Variants in ANTXR1 observed in about 807,000 individuals in gnomAD.
ANTXR1 encodes ANTXR cell adhesion molecule 1, also known as anthrax toxin receptor 1.
Under a neutral mutation model 78.1 loss-of-function variants are expected in ANTXR1, and 19 were observed. The observed-to-expected ratio is 0.24, with a 90% CI of 0.17 to 0.36. The LOEUF is 0.36. ANTXR1 is among the 10% of genes least tolerant of loss of function. The probability of loss-of-function intolerance (pLI) is 1.00; values close to 1 mark genes in which losing one functional copy is unlikely to be tolerated. For synonymous variants in ANTXR1, 273 were observed against 260.5 expected, an observed-to-expected ratio of 1.05 and a Z score of -0.46; for missense variants, 518 against 718.6, an observed-to-expected ratio of 0.72 and a Z score of 3.19.
At position 69,013,433 on chromosome 2, in the gene ANTXR1, C is replaced by G; in HGVS notation, c.-67C>G. 6.4e-7 allele frequency: 1 copy of G among 1,565,876 alleles called. No individual in the cohort carries two copies. Among genetic ancestry groups the G allele is most frequent in the Non-Finnish European group, 8.6e-7 (1 of 1,156,074 alleles). ...GGAAGGGCCCGCGGATGGCGCGTCC[C>G]TGAGGGTCGTGGCGAGTTCGCGGAG... is the stretch of plus-strand genomic sequence containing the variant. On this transcript the variant is annotated 5_prime_UTR_variant, in exon 1 of 18. Transcript: ENST00000303714. This position sits in a 1 kb window ranked among gnomAD's most constrained non-coding sequence, Gnocchi z 5.0.
Position 69,160,451 on chromosome 2 carries a change from T to C in ANTXR1, c.1047+8187T>C, listed in dbSNP as rs181890661. Among the ~76,000 whole-genome samples, 476 of 152,322 alleles carry C rather than the reference T, an allele frequency of 3.1e-3. 9 individuals carry two copies. The highest frequency in any genetic ancestry group is 0.013 in the East Asian group (67 of 5,192). On this transcript the variant is annotated intron_variant, in intron 13 of 17. Transcript: ENST00000303714. ...GAAAAACTAGAAAATTGGAACCATA[T>C]TGTCTCTAAGGCTGCTTCCTCATAT... is the stretch of plus-strand genomic sequence containing the variant.
chr2:69,067,864 A>G (rs564898153), intron 3 of ANTXR1, among the ~76,000 whole-genome samples: 2 of 152,334 alleles, frequency 1.3e-5, no homozygotes, highest in Non-Finnish European at 2.9e-5. Flanking sequence ...TTTATTCTCC[A>G]GGATATATGC....
Position 69,124,754 on chromosome 2 carries a change from G to A in ANTXR1, c.951+111G>A, listed in dbSNP as rs11895628. On this transcript the variant is annotated intron_variant, in intron 12 of 17. Coordinates refer to ENST00000303714, the MANE Select transcript of ANTXR1 (RefSeq NM_032208.3). ...ACCCTGGAAAGTTTTTTGGTTCTTCGTTCTGCTTGCTGAGCTTTGATCCCA... is the reference window on the plus strand; with the variant it reads ...ACCCTGGAAAGTTTTTTGGTTCTTCATTCTGCTTGCTGAGCTTTGATCCCA... 3,253 of 1,128,768 alleles carry A rather than the reference G, an allele frequency of 2.9e-3. 60 individuals are homozygous for A. The African/African-American group carries it at 0.043, about 15-fold the overall frequency. 69.9% of individuals were successfully genotyped at this position (1,128,768 alleles called of 1,614,324 possible).
At chr2:69,149,635 CAT>C (rs1328731878) in intron 12 of ANTXR1, among the ~76,000 whole-genome samples, 11 of 152,176 alleles carry the variant, frequency 7.2e-5, no homozygotes, top group Non-Finnish European at 7.3e-5. Context: ...TCCAAATGCA[CAT>C]AGATTTATGA....
chr2:69,208,208 G>A (rs1478439703), intron 17 of ANTXR1, among the ~76,000 whole-genome samples: 2 of 152,160 alleles, frequency 1.3e-5, no homozygotes, highest in Non-Finnish European at 2.9e-5. Flanking sequence ...GTTTGCCTAG[G>A]CATTTGTCTG....
At chr2:69,146,053 C>A in intron 12 of ANTXR1, 1 of 985,438 alleles carries the variant, frequency 1.0e-6, no homozygotes, top group Admixed American at 6.1e-5. Context: ...CCATTCAAGC[C>A]GGGCAGCCTT....
intron 17 of ANTXR1, among the ~76,000 whole-genome samples, chr2:69,209,033 G>A (rs923017474): frequency 1.3e-5 from 2 of 151,468 alleles, no homozygotes; most frequent in Non-Finnish European, 2.9e-5. Flanking sequence ...CTCCCAAGTA[G>A]CTGAGATTAC....
intron 3 of ANTXR1, among the ~76,000 whole-genome samples, chr2:69,045,129 A>G (rs1384699140): frequency 2.0e-5 from 3 of 152,094 alleles, no homozygotes; most frequent in East Asian, 1.9e-4. Context: ...TTATTGGGGG[A>G]CTATATTTTC....
intron 1 of ANTXR1, among the ~76,000 whole-genome samples, chr2:69,035,353 G>A (rs1049725311): frequency 6.6e-6 from 1 of 152,120 alleles, no homozygotes; most frequent in Non-Finnish European, 1.5e-5. Context: ...CATAAGCAGC[G>A]GACACAGGGC....
At chr2:69,170,171 T>A (rs1283463738) in intron 13 of ANTXR1, 77 bp from the exon 14 acceptor site, 7 of 1,534,238 alleles carry the variant, frequency 4.6e-6, no homozygotes, top group Non-Finnish European at 3.6e-6. Flanking sequence ...ACCACCACGG[T>A]ACCTCCTGAC....
intron 14 of ANTXR1, among the ~76,000 whole-genome samples, chr2:69,178,847 G>A (rs943751858): frequency 3.3e-5 from 5 of 152,152 alleles, no homozygotes; most frequent in Non-Finnish European, 7.4e-5. Flanking sequence ...TCTGTGCAGT[G>A]AAAAGACTTA....
At chr2:69,215,702 T>C (rs1675158405) in intron 17 of ANTXR1, among the ~76,000 whole-genome samples, 1 of 152,254 alleles carries the variant, frequency 6.6e-6, no homozygotes, top group African/African-American at 2.4e-5. Flanking sequence ...AGTAGAATGC[T>C]GGCCCATAGT....
intron 1 of ANTXR1, among the ~76,000 whole-genome samples, chr2:69,018,004 C>A (rs12465602): frequency 1.3e-5 from 2 of 152,068 alleles, no homozygotes; most frequent in Non-Finnish European, 2.9e-5. Flanking sequence ...GATTCTGCAT[C>A]ATGAATCTCA....
chr2:69,055,797 A>G (rs180949002), intron 3 of ANTXR1, among the ~76,000 whole-genome samples: 1 of 152,272 alleles, frequency 6.6e-6, no homozygotes, highest in Admixed American at 6.5e-5. Context: ...CTTTGTATAT[A>G]GTACACTGTT....
intron 17 of ANTXR1, among the ~76,000 whole-genome samples, chr2:69,212,704 T>G (rs1675073203): frequency 6.6e-6 from 1 of 152,106 alleles, no homozygotes; most frequent in Admixed American, 6.5e-5. Flanking sequence ...CAGGCTGGAG[T>G]GCAGTAGAGT....
At chr2:69,073,366 T>C (rs1670631182) in intron 6 of ANTXR1, among the ~76,000 whole-genome samples, 1 of 152,244 alleles carries the variant, frequency 6.6e-6, no homozygotes, top group African/African-American at 2.4e-5. Flanking sequence ...CTGCCTTTAT[T>C]GATGGCATTA....
At chr2:69,035,399 T>A (rs1162800665) in intron 1 of ANTXR1, among the ~76,000 whole-genome samples, 1 of 152,158 alleles carries the variant, frequency 6.6e-6, no homozygotes, top group Non-Finnish European at 1.5e-5. Flanking sequence ...GATCTTGCGC[T>A]AGGACAATGC....
In ANTXR1 at chr2:69,120,317, T is replaced by G. The variant is rs377187856; in HGVS notation, c.803-2700T>G. Among the ~76,000 whole-genome samples the G allele has an allele frequency of 1.1e-4, 16 of 152,320 alleles. 1 individual carries two copies. The highest frequency in any genetic ancestry group is 3.6e-4 in the African/African-American group (15 of 41,562). ...CACAGTATTGTTTAAGTCGAACCAT[T>G]GTTAAGTTGAGGACTGCCTGTATTA... On this transcript the variant is annotated intron_variant, in intron 10 of 17. Coordinates refer to ENST00000303714, the MANE Select transcript of ANTXR1 (RefSeq NM_032208.3).
At chr2:69,025,235 GA>G (rs1056710234) in intron 1 of ANTXR1, among the ~76,000 whole-genome samples, 1 of 151,596 alleles carries the variant, frequency 6.6e-6, no homozygotes, top group African/African-American at 2.4e-5. Flanking sequence ...CCTGTGGTAA[GA>G]AAAAAAATAA....
Sources: gnomAD v4.1 joint callset for allele counts (sites outside exome capture counted in the v4.1 genomes callset) on GRCh38, gnomAD v4.1.1 for gene constraint, Gnocchi (gnomAD v3.1) non-coding constraint, MANE v1.5 for transcripts, NCBI Gene and HGNC (gene_info 2026-07-23, HGNC 2026-07-21) for gene names.